PEX5L: variants seen among roughly 807,000 people sequenced by gnomAD.
PEX5L encodes PEX5-related protein.
In PEX5L, 30 loss-of-function variants were observed where a neutral mutation model predicts 84.0. The observed-to-expected ratio is 0.36, with a 90% CI of 0.27 to 0.48. The LOEUF is 0.48. Ranked by LOEUF, PEX5L falls within the 20% of genes least tolerant of loss-of-function variation. The probability of loss-of-function intolerance (pLI) is 0.99; values close to 1 mark genes in which losing one functional copy is unlikely to be tolerated. For synonymous variants in PEX5L, 270 were observed against 283.1 expected (o/e 0.95, Z 0.46); for missense variants, 533 against 754.6 (o/e 0.71, Z 3.44).
rs1277661044 is a variant in PEX5L, at chr3:179,840,180, TGTG to T, written c.822+18879_822+18881del. Among the ~76,000 whole-genome samples the T allele has an allele frequency of 9.7e-5, 10 of 103,332 alleles. No homozygotes were observed. The East Asian group carries it at 1.7e-3, about 18-fold the overall frequency. The allele number at this position is 103,332 out of a possible 152,430, so 67.8% of individuals were successfully genotyped here. A position where few individuals can be genotyped will look rare whatever the true frequency, so the allele number is the denominator to read the frequency against. ...TGTTTTTTGTGTGTGTGTGTGTGTGTGTGTTTTTTTTTTTTTTTTTTTTTTGAG... is the reference window on the plus strand; with the variant it reads ...TGTTTTTTGTGTGTGTGTGTGTGTGTTTTTTTTTTTTTTTTTTTTTTTGAG... On this transcript the variant is annotated intron_variant, in intron 8 of 14. Transcript: ENST00000467460.
In PEX5L at chr3:179,797,605, A is replaced by AAAAATATATATATATAT. The variant is rs1553807980; in HGVS notation, c.*4222_*4223insATATATATATATATTTT. The AAAAATATATATATATAT allele has an allele frequency of 1.1e-5, 1 of 89,160 alleles. No individual in the cohort carries two copies. Among genetic ancestry groups the AAAAATATATATATATAT allele is most frequent in the African/African-American group, 4.5e-5 (1 of 22,218 alleles). 5.5% of individuals were successfully genotyped at this position (89,160 alleles called of 1,614,324 possible). A position where few individuals can be genotyped will look rare whatever the true frequency, so the allele number is the denominator to read the frequency against. ...AACACTCTTTAAAAAAAAAAAAAAA[A>AAAAATATATATATATAT]ATATATATATATATATATATATATA... On this transcript the variant is annotated 3_prime_UTR_variant, in exon 15 of 15. Transcript: ENST00000467460.
intron 8 of PEX5L, among the ~76,000 whole-genome samples, chr3:179,840,207 A>G (rs1403165430): frequency 8.4e-5 from 3 of 35,772 alleles, no homozygotes; most frequent in South Asian, 9.9e-4. Context: ...TTTTTTTTTG[A>G]GATGGAGTTA....
chr3:179,888,757 TG>T (rs1259423425), intron 3 of PEX5L, among the ~76,000 whole-genome samples: 4 of 151,720 alleles, frequency 2.6e-5, no homozygotes, highest in Non-Finnish European at 4.4e-5. Context: ...TAGGTTTTTT[TG>T]TTTTGTTTTG....
chr3:179,878,420 G>C (rs1476322260), intron 5 of PEX5L, among the ~76,000 whole-genome samples: 1 of 152,080 alleles, frequency 6.6e-6, no homozygotes, highest in Non-Finnish European at 1.5e-5. Flanking sequence ...CCTCTTAGCA[G>C]AACCCTTCAA....
Position 179,801,747 on chromosome 3 carries a change from G to T in PEX5L, c.*81C>A. 1.0e-6 allele frequency: 1 copy of T among 956,360 alleles called. No individual in the cohort carries two copies. The highest frequency in any genetic ancestry group is 1.3e-5 in the South Asian group (1 of 74,722). 59.2% of individuals were successfully genotyped at this position (956,360 alleles called of 1,614,324 possible). On this transcript the variant is annotated 3_prime_UTR_variant, in exon 15 of 15. Coordinates refer to ENST00000467460, the MANE Select transcript of PEX5L (RefSeq NM_016559.3). ...TTTTGAATATTTGATTTATCCTTTT[G>T]AAATTCATAATAAAATAGTTTTTGA...
At chr3:179,868,143 G>A (rs1467913954) in intron 7 of PEX5L, among the ~76,000 whole-genome samples, 1 of 147,772 alleles carries the variant, frequency 6.8e-6, no homozygotes, top group African/African-American at 2.5e-5. Context: ...GTCTCCCAAA[G>A]TGCTAGGATT....
chr3:179,861,785 G>A (rs1371365692), intron 7 of PEX5L, among the ~76,000 whole-genome samples: 1 of 151,988 alleles, frequency 6.6e-6, no homozygotes, highest in Non-Finnish European at 1.5e-5. Context: ...GACGTTTCTT[G>A]TACTCCAGGA....
intron 8 of PEX5L, among the ~76,000 whole-genome samples, chr3:179,824,389 C>T (rs950389466): frequency 6.6e-6 from 1 of 152,244 alleles, no homozygotes; most frequent in Non-Finnish European, 1.5e-5. Flanking sequence ...CAAACCAATC[C>T]AAACAGCTCT....
At chr3:179,810,003 T>C (rs948215708) in intron 11 of PEX5L, among the ~76,000 whole-genome samples, 4 of 10,030 alleles carry the variant, frequency 4.0e-4, no homozygotes, top group African/African-American at 1.0e-3. Flanking sequence ...TTAATGCTGC[T>C]TTTTTTTTTT....
intron 1 of PEX5L, among the ~76,000 whole-genome samples, chr3:180,013,470 C>T (rs1327545430): frequency 1.3e-5 from 2 of 152,094 alleles, no homozygotes; most frequent in African/African-American, 4.8e-5. Context: ...TTTAATTTGT[C>T]ATTTAAATAC....
intron 10 of PEX5L, among the ~76,000 whole-genome samples, chr3:179,813,421 G>T (rs1282575770): frequency 1.3e-5 from 2 of 152,126 alleles, no homozygotes; most frequent in Admixed American, 1.3e-4. Flanking sequence ...TATGTAAGAT[G>T]ACATTATTAT....
In PEX5L at chr3:179,814,447, A is replaced by G. The variant is rs1009101625; in HGVS notation, c.1083+1414T>C. On this transcript the variant is annotated intron_variant, in intron 10 of 14. Transcript: ENST00000467460. ...GCCCCAGGTCCCATGGCTAACAGGT[A>G]GAACAGGGATCTGAACCTATGCAGT... is the stretch of plus-strand genomic sequence containing the variant. 3.9e-5 allele frequency among the ~76,000 whole-genome samples: 6 copies of G among 152,362 alleles called. No homozygotes were observed. In the South Asian group the frequency reaches 1.0e-3, roughly 26 times the overall value.
chr3:179,811,733 A>G (rs777252782), intron 11 of PEX5L, 68 bp downstream of exon 11: 2 of 1,161,472 alleles, frequency 1.7e-6, no homozygotes, highest in African/African-American at 3.0e-5. Context: ...TCAAAAGACA[A>G]ATCTGAAACA....
chr3:179,958,556 G>C (rs6770285), intron 2 of PEX5L, among the ~76,000 whole-genome samples: 135,264 of 152,280 alleles, frequency 0.89, 60,143 homozygotes, highest in East Asian at 0.98. Flanking sequence ...TAAACGTGGT[G>C]TAAGACCAGA....
intron 10 of PEX5L, among the ~76,000 whole-genome samples, chr3:179,814,472 T>C (rs995992023): frequency 6.6e-6 from 1 of 152,208 alleles, no homozygotes; most frequent in African/African-American, 2.4e-5. Flanking sequence ...ACCTATGCAG[T>C]TGGGATAGCA....
intron 2 of PEX5L, among the ~76,000 whole-genome samples, chr3:179,943,750 T>C (rs1776777817): frequency 6.6e-6 from 1 of 152,226 alleles, no homozygotes; most frequent in African/African-American, 2.4e-5. Flanking sequence ...CTTGAATTCT[T>C]AGATGCTCAA....
intron 1 of PEX5L, among the ~76,000 whole-genome samples, chr3:179,977,166 T>G (rs1045554872): frequency 1.3e-5 from 2 of 152,196 alleles, no homozygotes; most frequent in African/African-American, 2.4e-5. Context: ...TTTTTTATAA[T>G]TAAAGAAAAG....
intron 1 of PEX5L, among the ~76,000 whole-genome samples, chr3:179,989,796 C>T (rs1787214759): frequency 1.3e-5 from 2 of 152,094 alleles, no homozygotes; most frequent in Admixed American, 6.5e-5. Context: ...CATAAAAAAT[C>T]AAGTTTGGCT....
At chr3:179,905,724 T>C (rs1016353406) in intron 2 of PEX5L, among the ~76,000 whole-genome samples, 1 of 152,120 alleles carries the variant, frequency 6.6e-6, no homozygotes, top group South Asian at 2.1e-4. Context: ...AATTTCTGAG[T>C]TGTGCCTGCA....
Sources: gnomAD v4.1 joint callset for allele counts (sites outside exome capture counted in the v4.1 genomes callset) on GRCh38, gnomAD v4.1.1 for gene constraint, MANE v1.5 for transcripts, NCBI Gene and HGNC (gene_info 2026-07-23, HGNC 2026-07-21) for gene names.